PHACTR3: variants seen among roughly 807,000 people sequenced by gnomAD.
PHACTR3 encodes the protein protein phosphatase 1, regulatory subunit 123.
Under a neutral mutation model 66.8 loss-of-function variants are expected in PHACTR3, and 16 were observed. That is an observed-to-expected ratio of 0.24 (90% CI 0.16 to 0.36). PHACTR3 has a LOEUF of 0.36. Ranked by LOEUF, PHACTR3 falls within the 10% of genes least tolerant of loss-of-function variation. PHACTR3 has a pLI of 1.00. For synonymous variants in PHACTR3, 323 were observed against 292.1 expected, an observed-to-expected ratio of 1.11 and a Z score of -1.08; for missense variants, 647 against 719.9, an observed-to-expected ratio of 0.90 and a Z score of 1.16.
intron 1 of PHACTR3, among the ~76,000 whole-genome samples, chr20:59,665,924 C>T (rs1020298887): frequency 3.3e-5 from 5 of 152,116 alleles, no homozygotes; most frequent in African/African-American, 9.7e-5. Context: ...GAGTCCCCTC[C>T]GTGGGCATTG....
chr20:59,801,233 C>T (rs1443457123), intron 7 of PHACTR3, among the ~76,000 whole-genome samples: 2 of 152,190 alleles, frequency 1.3e-5, no homozygotes, highest in African/African-American at 4.8e-5. Context: ...TTCCCCCTCC[C>T]TGGATTGTGG....
intron 2 of PHACTR3, among the ~76,000 whole-genome samples, chr20:59,744,270 T>C (rs896845240): frequency 1.3e-5 from 2 of 152,218 alleles, no homozygotes; most frequent in Non-Finnish European, 2.9e-5. Context: ...GGGCTGAGGC[T>C]TGGACCCTGG....
intron 1 of PHACTR3, among the ~76,000 whole-genome samples, chr20:59,674,427 C>T (rs528306662): frequency 2.5e-3 from 320 of 128,578 alleles, no homozygotes; most frequent in African/African-American, 9.2e-3. Flanking sequence ...CTTCTCCTGT[C>T]CCCCCTTCTC....
At chr20:59,684,222 T>A (rs901627848) in intron 1 of PHACTR3, among the ~76,000 whole-genome samples, 2 of 152,240 alleles carry the variant, frequency 1.3e-5, no homozygotes, top group African/African-American at 4.8e-5. Flanking sequence ...TGCTCCTGAA[T>A]AATATCTTTC....
intron 1 of PHACTR3, among the ~76,000 whole-genome samples, chr20:59,699,999 T>A (rs565092820): frequency 6.6e-6 from 1 of 152,298 alleles, no homozygotes; most frequent in African/African-American, 2.4e-5. Flanking sequence ...AAAGTTAAGT[T>A]TGCATACTAA....
At chr20:59,703,509 G>T (rs1490278328) in intron 1 of PHACTR3, among the ~76,000 whole-genome samples, 1 of 152,160 alleles carries the variant, frequency 6.6e-6, no homozygotes, top group Non-Finnish European at 1.5e-5. Context: ...AATTTGATGG[G>T]GGAAGGTTTG....
chr20:59,645,652 T>C (rs775125494), intron 1 of PHACTR3, among the ~76,000 whole-genome samples: 4 of 152,216 alleles, frequency 2.6e-5, no homozygotes, highest in Non-Finnish European at 4.4e-5. Flanking sequence ...CATAAATTTA[T>C]ATAATGATAT....
Position 59,775,091 on chromosome 20 carries a change from G to GA in PHACTR3, c.1174+601_1174+602insA, listed in dbSNP as rs1555838114. On this transcript the variant is annotated intron_variant, in intron 7 of 12. Transcript: ENST00000371015. ...GTCCTCATGGTGCGTTCTCCCATGA[G>GA]GTAATTGCTCCATCCTACCCTTGAG... Among the ~76,000 whole-genome samples the GA allele has an allele frequency of 4.0e-5, 6 of 151,772 alleles. No homozygotes were observed. The South Asian group carries it at 8.3e-4, about 21-fold the overall frequency.
At chr20:59,665,833 C>A (rs894509010) in intron 1 of PHACTR3, among the ~76,000 whole-genome samples, 2 of 152,160 alleles carry the variant, frequency 1.3e-5, no homozygotes, top group Non-Finnish European at 2.9e-5. Flanking sequence ...CAAGCTAACT[C>A]TATGTTGGCC....
Position 59,630,381 on chromosome 20 carries a change from C to T in PHACTR3, c.118+25249C>T, listed in dbSNP as rs985209758. Among the ~76,000 whole-genome samples, 233 of 152,242 alleles carry T rather than the reference C, an allele frequency of 1.5e-3. 3 individuals carry two copies. Among genetic ancestry groups the T allele is most frequent in the Non-Finnish European group, 2.5e-4 (17 of 68,026 alleles). ...TATTTTTAGTAGAGACAGGGTTTCA[C>T]CCTGTTGGCTAGGCTGGTCTTAAAC... On this transcript the variant is annotated intron_variant, in intron 1 of 12. Coordinates refer to ENST00000371015, the MANE Select transcript of PHACTR3 (RefSeq NM_080672.5).
At chr20:59,655,756 T>G (rs1019692759) in intron 1 of PHACTR3, among the ~76,000 whole-genome samples, 2 of 151,870 alleles carry the variant, frequency 1.3e-5, no homozygotes, top group African/African-American at 4.8e-5. Context: ...ATTTTGAGAT[T>G]TTTCTTTTAA....
intron 7 of PHACTR3, among the ~76,000 whole-genome samples, chr20:59,774,856 C>A (rs1273645801): frequency 6.6e-6 from 1 of 151,678 alleles, no homozygotes; most frequent in Non-Finnish European, 1.5e-5. Context: ...TGTACAGATG[C>A]TCAGTGTACA....
intron 1 of PHACTR3, among the ~76,000 whole-genome samples, chr20:59,597,664 T>G (rs1425873860): frequency 1.3e-5 from 2 of 152,250 alleles, no homozygotes; most frequent in Non-Finnish European, 2.9e-5. Flanking sequence ...AAGTGTTAAG[T>G]AAATGAAAAC....
At chr20:59,605,879 T>A (rs936726280) in intron 1 of PHACTR3, among the ~76,000 whole-genome samples, 1 of 146,864 alleles carries the variant, frequency 6.8e-6, no homozygotes, top group Admixed American at 6.7e-5. Context: ...GTGGGCTGTG[T>A]GCGCCTGTCA....
chr20:59,606,289 G>A (rs2033666166), intron 1 of PHACTR3, among the ~76,000 whole-genome samples: 1 of 116,266 alleles, frequency 8.6e-6, no homozygotes, highest in Non-Finnish European at 1.8e-5. Context: ...GCAGCTGTGT[G>A]GGCACTGGAT....
At chr20:59,768,373 A>G (rs2040252267) in intron 5 of PHACTR3, among the ~76,000 whole-genome samples, 1 of 152,246 alleles carries the variant, frequency 6.6e-6, no homozygotes, top group Non-Finnish European at 1.5e-5. Context: ...CCAGTGATTA[A>G]CCACCATCAA....
chr20:59,821,038 A>G (rs1000784443), intron 8 of PHACTR3, among the ~76,000 whole-genome samples: 2 of 152,212 alleles, frequency 1.3e-5, no homozygotes, highest in Non-Finnish European at 2.9e-5. Context: ...GAGCACAACC[A>G]TAGCTCACTA....
At chr20:59,642,863 T>C (rs1006546415) in intron 1 of PHACTR3, among the ~76,000 whole-genome samples, 1 of 152,196 alleles carries the variant, frequency 6.6e-6, no homozygotes, top group Non-Finnish European at 1.5e-5. Flanking sequence ...AGCTCTCTGG[T>C]TGAATCAAAG....
chr20:59,647,002 ATGG>A (rs569354989), intron 1 of PHACTR3, among the ~76,000 whole-genome samples: 84 of 152,340 alleles, frequency 5.5e-4, no homozygotes, highest in African/African-American at 1.9e-3. Context: ...GATTTTAAAC[ATGG>A]TGGTTGCAGT....
Sources: gnomAD v4.1 joint callset for allele counts (sites outside exome capture counted in the v4.1 genomes callset) on GRCh38, gnomAD v4.1.1 for gene constraint, MANE v1.5 for transcripts, NCBI Gene and HGNC (gene_info 2026-07-23, HGNC 2026-07-21) for gene names.